The following INSR variants were observed in gnomAD, a reference collection of about 807,000 sequenced individuals.
INSR encodes insulin receptor.
In INSR, 67 loss-of-function variants were observed where a neutral mutation model predicts 142.6. The observed-to-expected ratio is 0.47, with a 90% CI of 0.39 to 0.58. The LOEUF (loss-of-function observed/expected upper bound fraction) is 0.58, where lower values mean the gene tolerates loss of function less well. INSR is among the 20% of genes least tolerant of loss of function. The pLI is 0.00. For synonymous variants in INSR, 756 were observed against 743.1 expected (o/e 1.02, Z -0.28); for missense variants, 1,248 against 1,833.2 (o/e 0.68, Z 5.83).
At chr19:7,123,045 G>C in intron 17 of INSR, 56 bp from the exon 18 acceptor site, 1 of 1,301,300 alleles carries the variant, frequency 7.7e-7, no homozygotes, top group Admixed American at 2.0e-5. Flanking sequence ...GACTCACCAG[G>C]GTTCTCCTCC....
At chr19:7,149,004 AG>A (rs1973253952) in intron 11 of INSR, among the ~76,000 whole-genome samples, 1 of 151,858 alleles carries the variant, frequency 6.6e-6, no homozygotes, top group African/African-American at 2.4e-5. Flanking sequence ...CATCTTGGTC[AG>A]GCTGGTCTCG....
chr19:7,173,380 G>A (rs1223520264), intron 4 of INSR, among the ~76,000 whole-genome samples: 3 of 151,976 alleles, frequency 2.0e-5, no homozygotes, highest in African/African-American at 7.2e-5. Context: ...GTGCAGTGGT[G>A]TGATCTCGGC....
intron 2 of INSR, among the ~76,000 whole-genome samples, chr19:7,244,532 C>CAAAA (rs367586146): frequency 6.9e-6 from 1 of 145,088 alleles, no homozygotes; most frequent in African/African-American, 2.7e-5. Flanking sequence ...GACTCTGTCT[C>CAAAA]AAAAAGAAAA....
chr19:7,171,364 TC>T (rs1379863254), intron 5 of INSR, among the ~76,000 whole-genome samples: 7 of 152,148 alleles, frequency 4.6e-5, no homozygotes, highest in Admixed American at 2.0e-4. Flanking sequence ...TGTCCTTTTG[TC>T]CCTTTCCCCA....
At chr19:7,123,076 A>C in intron 17 of INSR, 87 bp from the exon 18 acceptor site, 1 of 971,200 alleles carries the variant, frequency 1.0e-6, no homozygotes, top group Non-Finnish European at 1.6e-6. Context: ...TCTATGTCAC[A>C]CACAGCACCC....
intron 9 of INSR, among the ~76,000 whole-genome samples, chr19:7,157,604 G>A (rs751546179): frequency 5.9e-5 from 9 of 152,002 alleles, no homozygotes; most frequent in African/African-American, 1.7e-4. Flanking sequence ...CTTAAGCCCC[G>A]AAGTCAAATC....
chr19:7,269,024 A>ACACACC (rs1250366479), intron 1 of INSR, among the ~76,000 whole-genome samples: 1 of 110,762 alleles, frequency 9.0e-6, no homozygotes, highest in African/African-American at 4.4e-5. Context: ...CTCTCTGCCA[A>ACACACC]CACACCCACA....
intron 3 of INSR, 21 bp from the exon 4 acceptor site, chr19:7,174,752 G>C: frequency 6.2e-7 from 1 of 1,607,316 alleles, no homozygotes; most frequent in Non-Finnish European, 8.5e-7. Flanking sequence ...AGCAGAGAGA[G>C]AGAGAAAGAG....
chr19:7,263,232 T>C (rs1259294425), intron 2 of INSR, among the ~76,000 whole-genome samples: 1 of 150,110 alleles, frequency 6.7e-6, no homozygotes, highest in Non-Finnish European at 1.5e-5. Flanking sequence ...TGAGCTGAGA[T>C]CACACCACTG....
chr19:7,186,861 C>T (rs1974445655), intron 2 of INSR, among the ~76,000 whole-genome samples: 1 of 151,930 alleles, frequency 6.6e-6, no homozygotes, highest in Non-Finnish European at 1.5e-5. Flanking sequence ...CCCACCACCA[C>T]ACCCAGCTAA....
chr19:7,126,220 C>G (rs1356385505), intron 16 of INSR, among the ~76,000 whole-genome samples: 1 of 152,206 alleles, frequency 6.6e-6, no homozygotes, highest in African/African-American at 2.4e-5. Context: ...GACCACCAGA[C>G]ATGTGAGTGA....
intron 11 of INSR, among the ~76,000 whole-genome samples, chr19:7,149,333 AAAAT>A (rs201772158): frequency 0.031 from 4,733 of 152,258 alleles, 109 homozygotes; most frequent in Admixed American, 0.062. Context: ...TGCCTGGGAA[AAAAT>A]AAATAAATAA....
chr19:7,214,751 T>TC (rs1975378922), intron 2 of INSR, among the ~76,000 whole-genome samples: 1 of 152,088 alleles, frequency 6.6e-6, no homozygotes, highest in Non-Finnish European at 1.5e-5. Context: ...ACAGAGATGT[T>TC]CAGTAGTTCC....
chr19:7,176,121 T>C (rs537353419), intron 3 of INSR, among the ~76,000 whole-genome samples: 1 of 152,302 alleles, frequency 6.6e-6, no homozygotes, highest in East Asian at 1.9e-4. Context: ...AGCATTATCG[T>C]GGCGATATGT....
At chr19:7,129,244 G>A (rs1972720321) in intron 14 of INSR, among the ~76,000 whole-genome samples, 1 of 152,204 alleles carries the variant, frequency 6.6e-6, no homozygotes, top group South Asian at 2.1e-4. Context: ...ATCTCAGGCA[G>A]TGGATGCAGG....
intron 13 of INSR, among the ~76,000 whole-genome samples, chr19:7,133,823 C>T (rs945379083): frequency 1.3e-5 from 2 of 152,224 alleles, no homozygotes; most frequent in African/African-American, 4.8e-5. Flanking sequence ...GATTGTGCCA[C>T]TGCACTCCAG....
chr19:7,195,440 C>G (rs949082781), intron 2 of INSR, among the ~76,000 whole-genome samples: 1 of 151,852 alleles, frequency 6.6e-6, no homozygotes, highest in African/African-American at 2.4e-5. Flanking sequence ...ATCAGGAGTT[C>G]GAGACCAGCC....
chr19:7,277,773 G>A (rs1968103956), intron 1 of INSR, among the ~76,000 whole-genome samples: 1 of 151,902 alleles, frequency 6.6e-6, no homozygotes, highest in Non-Finnish European at 1.5e-5. Flanking sequence ...CTCCAGCCTG[G>A]GTGACAGAGT....
chr19:7,204,111 C>A (rs565217173), intron 2 of INSR, among the ~76,000 whole-genome samples: 1 of 151,900 alleles, frequency 6.6e-6, no homozygotes, highest in Admixed American at 6.6e-5. Flanking sequence ...TACAGGCTCC[C>A]GGCTCACTGC....
Sources: allele counts gnomAD v4.1 joint callset (sites outside exome capture counted in the v4.1 genomes callset), GRCh38; gene constraint gnomAD v4.1.1; transcripts MANE v1.5; gene names NCBI Gene and HGNC (gene_info 2026-07-23, HGNC 2026-07-21).